The following KIF6 variants were observed in gnomAD, a reference collection of about 807,000 sequenced individuals.
KIF6 encodes kinesin-like protein KIF6.
A neutral mutation model predicts 112.7 loss-of-function variants in KIF6; 106 were observed. The ratio of observed to expected loss-of-function variants is 0.94; its 90% confidence interval spans 0.80 to 1.11. The LOEUF (loss-of-function observed/expected upper bound fraction) is 1.11. Among genes scored for constraint, KIF6 ranks in the 50% least tolerant of loss-of-function variants. KIF6 has a pLI of 0.00. For synonymous variants in KIF6, 339 were observed against 339.9 expected, an observed-to-expected ratio of 1.00 and a Z score of 0.03; for missense variants, 929 against 964.0, an observed-to-expected ratio of 0.96 and a Z score of 0.48.
chr6:39,525,852 C>CT (rs1377245573), intron 13 of KIF6, among the ~76,000 whole-genome samples: 1 of 148,150 alleles, frequency 6.7e-6, no homozygotes, highest in Non-Finnish European at 1.5e-5. Context: ...TAAATAAAGC[C>CT]TTTTTCCCCA....
chr6:39,708,170 G>A (rs1789323796), intron 3 of KIF6, among the ~76,000 whole-genome samples: 1 of 152,126 alleles, frequency 6.6e-6, no homozygotes, highest in South Asian at 2.1e-4. Context: ...GTCCTGCTGG[G>A]CAATGACCTT....
intron 10 of KIF6, among the ~76,000 whole-genome samples, chr6:39,574,023 G>T (rs908082489): frequency 1.3e-5 from 2 of 152,172 alleles, no homozygotes; most frequent in African/African-American, 4.8e-5. Context: ...TGTTGAGGTT[G>T]ACATTTGTAT....
intron 3 of KIF6, among the ~76,000 whole-genome samples, chr6:39,642,198 A>G (rs1244588755): frequency 2.6e-5 from 4 of 152,204 alleles, no homozygotes; most frequent in African/African-American, 9.6e-5. Context: ...CCATTACTCC[A>G]CAAGAACAAT....
intron 13 of KIF6, among the ~76,000 whole-genome samples, chr6:39,461,590 T>C (rs936184169): frequency 6.6e-6 from 1 of 152,220 alleles, no homozygotes; most frequent in African/African-American, 2.4e-5. Context: ...TTTCAACATG[T>C]AATCAATATT....
intron 7 of KIF6, among the ~76,000 whole-genome samples, chr6:39,586,914 T>C (rs965587283): frequency 2.0e-5 from 3 of 152,104 alleles, no homozygotes; most frequent in Non-Finnish European, 4.4e-5. Context: ...ATCTGTAAAA[T>C]AGGAATAAAA....
chr6:39,601,971 T>G (rs1782600990), intron 6 of KIF6, among the ~76,000 whole-genome samples: 2 of 152,160 alleles, frequency 1.3e-5, no homozygotes, highest in African/African-American at 4.8e-5. Context: ...TATTCTACAA[T>G]TGACTTCAAT....
intron 13 of KIF6, among the ~76,000 whole-genome samples, chr6:39,536,456 A>G (rs1778432066): frequency 6.6e-6 from 1 of 151,676 alleles, no homozygotes; most frequent in South Asian, 2.1e-4. Context: ...AATAAACTAG[A>G]AAATCTAGAA....
At chr6:39,692,989 T>C (rs1271420682) in intron 3 of KIF6, among the ~76,000 whole-genome samples, 1 of 152,200 alleles carries the variant, frequency 6.6e-6, no homozygotes, top group Non-Finnish European at 1.5e-5. Flanking sequence ...ACCTATCAAT[T>C]CCCTCAGGGA....
chr6:39,346,581 T>C, intron 19 of KIF6, 55 bp from the exon 20 acceptor site: 4 of 665,106 alleles, frequency 6.0e-6, no homozygotes, highest in East Asian at 5.4e-5. Flanking sequence ...TATTTTGTTA[T>C]AGCAGCCTGA....
intron 10 of KIF6, among the ~76,000 whole-genome samples, chr6:39,560,882 AAGAC>A (rs1200711580): frequency 6.6e-6 from 1 of 152,204 alleles, no homozygotes. Flanking sequence ...TTTCTGATTC[AAGAC>A]AGACTCTCTA....
chr6:39,584,860 T>C, intron 9 of KIF6, 38 bp downstream of exon 9: 2 of 1,282,688 alleles, frequency 1.6e-6, no homozygotes, highest in South Asian at 1.2e-5. Context: ...TTGATATACT[T>C]TAATATATTT....
intron 13 of KIF6, among the ~76,000 whole-genome samples, chr6:39,484,190 A>G (rs1011966660): frequency 2.6e-5 from 4 of 152,172 alleles, no homozygotes; most frequent in Non-Finnish European, 5.9e-5. Context: ...TGTAGGGGCC[A>G]TGTGGTCAAC....
chr6:39,343,125 C>G lies in KIF6; in HGVS notation c.2428+584G>C. 1 of 985,364 alleles carries G rather than the reference C, an allele frequency of 1.0e-6. No homozygotes were observed. The highest frequency in any genetic ancestry group is 1.2e-6 in the Non-Finnish European group (1 of 829,896). 61.0% of individuals were successfully genotyped at this position (985,364 alleles called of 1,614,324 possible). The stretch of plus-strand genomic sequence containing the variant: ...CCAGCCACAGCAGATGGGAGATGGG[C>G]AGCTGCCAAGAGGACGGGGCTGGGG... On this transcript the variant is annotated intron_variant, in intron 22 of 22. Transcript: ENST00000287152. This position sits in a 1 kb window ranked among gnomAD's most constrained non-coding sequence, Gnocchi z 4.1.
intron 3 of KIF6, among the ~76,000 whole-genome samples, chr6:39,647,636 C>T (rs2150783077): frequency 6.6e-6 from 1 of 151,972 alleles, no homozygotes; most frequent in South Asian, 2.1e-4. Context: ...GGAAGCAGGG[C>T]CAAGTAAAGT....
chr6:39,491,746 T>C (rs531469974), intron 13 of KIF6, among the ~76,000 whole-genome samples: 49 of 152,204 alleles, frequency 3.2e-4, no homozygotes, highest in Admixed American at 1.0e-3. Flanking sequence ...GTGAAGGAAA[T>C]ACTACTTGAG....
intron 3 of KIF6, among the ~76,000 whole-genome samples, chr6:39,688,995 G>T (rs1029154856): frequency 6.6e-6 from 1 of 152,034 alleles, no homozygotes; most frequent in Non-Finnish European, 1.5e-5. Flanking sequence ...TTTTTTATTT[G>T]TAGTCCCAGT....
At chr6:39,483,309 T>G (rs558506754) in intron 13 of KIF6, among the ~76,000 whole-genome samples, 2 of 152,272 alleles carry the variant, frequency 1.3e-5, no homozygotes, top group South Asian at 2.1e-4. Flanking sequence ...GCCTGTAAAC[T>G]TGCTTGGATG....
rs1762820303 is a variant in KIF6 at position 39,333,746 on chromosome 6, TC to T, written c.*2785del. ...GATCTGGGCAAGCTACATTTTAACT[TC>T]CCTCCTCCAACCTCCGTCCACCCTA... On this transcript the variant is annotated 3_prime_UTR_variant, in exon 23 of 23. Coordinates refer to ENST00000287152, the MANE Select transcript of KIF6 (RefSeq NM_145027.6). 1 of 152,244 alleles carries T rather than the reference TC, an allele frequency of 6.6e-6. No homozygotes were observed. The highest frequency in any genetic ancestry group is 2.1e-4 in the South Asian group (1 of 4,826). The allele number at this position is 152,244 out of a possible 1,614,324, so 9.4% of individuals were successfully genotyped here.
chr6:39,343,447 C>A lies in KIF6; in HGVS notation c.2428+262G>T. 7.0e-7 allele frequency: 1 copy of A among 1,436,662 alleles called. No homozygotes were observed. 89.0% of individuals were successfully genotyped at this position (1,436,662 alleles called of 1,614,324 possible). On this transcript the variant is annotated intron_variant, in intron 22 of 22. Coordinates refer to ENST00000287152, the MANE Select transcript of KIF6 (RefSeq NM_145027.6). This position sits in a 1 kb window ranked among gnomAD's most constrained non-coding sequence, Gnocchi z 4.1. ...AAAGGAGCTGAAGATCTGGAAGAGACAGAGAGCAAGCTCTGCCAAGAGGGA... is the reference window on the plus strand; with the variant it reads ...AAAGGAGCTGAAGATCTGGAAGAGAAAGAGAGCAAGCTCTGCCAAGAGGGA...
Sources: gnomAD v4.1 joint callset for allele counts (sites outside exome capture counted in the v4.1 genomes callset) on GRCh38, gnomAD v4.1.1 for gene constraint, Gnocchi (gnomAD v3.1) non-coding constraint, MANE v1.5 for transcripts, NCBI Gene and HGNC (gene_info 2026-07-23, HGNC 2026-07-21) for gene names.